SCFD2: variants seen among roughly 807,000 people sequenced by gnomAD.
The protein encoded by SCFD2 is sec1 family domain-containing protein 2.
Under a neutral mutation model 58.9 loss-of-function variants are expected in SCFD2, and 54 were observed. The ratio of observed to expected loss-of-function variants is 0.92; its 90% CI spans 0.74 to 1.15. The LOEUF is 1.15. SCFD2 is among the 50% of genes most tolerant of loss of function. The pLI, the probability that SCFD2 is intolerant of heterozygous loss-of-function variation, is 0.00. For missense variants in SCFD2, 805 were observed against 836.6 expected, an observed-to-expected ratio of 0.96 and a Z score of 0.47; for synonymous variants, 321 against 335.9, an observed-to-expected ratio of 0.96 and a Z score of 0.49.
chr4:52,920,750 T>C lies in SCFD2; in HGVS notation c.1682A>G (p.Tyr561Cys). ...CTGGTGGGTATGATTTCCAGGAACA[T>C]ATACAGACTTAAACTGTTTCAGGAG... ...RSLLKQFKSVYVPGNHTHQAS... is the reference protein window; with the variant it reads ...RSLLKQFKSVCVPGNHTHQAS... Residue 561 changes from tyrosine (Y) to cysteine (C), a missense_variant, in exon 6 of 9, where the codon TAT becomes TGT. Physicochemically the swap from Tyr to Cys is radical, Grantham distance 194. Around this residue, in one of 3 missense-constraint regions of SCFD2, gnomAD observed 633 missense variants for 646.8 expected, o/e 0.98. Coordinates refer to ENST00000401642, the MANE Select transcript of SCFD2 (RefSeq NM_152540.4). 4 of 1,608,940 alleles carry C rather than the reference T, an allele frequency of 2.5e-6. No homozygotes were observed. Among genetic ancestry groups the C allele is most frequent in the Non-Finnish European group, 3.4e-6 (4 of 1,177,162 alleles).
rs114293157 is a variant in SCFD2, at chr4:53,315,734, T to G, written c.1008-1971A>C. Among the ~76,000 whole-genome samples the G allele has an allele frequency of 2.5e-3, 386 of 152,214 alleles. 1 individual carries two copies. Among genetic ancestry groups the G allele is most frequent in the African/African-American group, 8.6e-3 (357 of 41,548 alleles). On this transcript the variant is annotated intron_variant, in intron 2 of 8. Coordinates refer to ENST00000401642, the MANE Select transcript of SCFD2 (RefSeq NM_152540.4). ...TGTTCTCTAGTCTCAACAATATCTCTCCACAAAACACAGGGATTTCTCACA... is the reference window on the plus strand; with the variant it reads ...TGTTCTCTAGTCTCAACAATATCTCGCCACAAAACACAGGGATTTCTCACA...
intron 5 of SCFD2, among the ~76,000 whole-genome samples, chr4:52,986,255 T>C (rs1721491063): frequency 6.6e-6 from 1 of 151,856 alleles, no homozygotes; most frequent in African/African-American, 2.4e-5. Flanking sequence ...TCATCGAGTA[T>C]ATGTAAGATT....
chr4:52,898,084 T>C (rs1719073855), intron 7 of SCFD2, among the ~76,000 whole-genome samples: 1 of 152,210 alleles, frequency 6.6e-6, no homozygotes, highest in South Asian at 2.1e-4. Flanking sequence ...CTATCATTGT[T>C]GATCTTTTCA....
At chr4:52,963,451 C>T (rs185977969) in intron 5 of SCFD2, among the ~76,000 whole-genome samples, 18 of 152,242 alleles carry the variant, frequency 1.2e-4, no homozygotes, top group Admixed American at 6.5e-4. Flanking sequence ...ATCTTGGAGT[C>T]GGGTTCGAAA....
chr4:53,242,562 A>G (rs376152114), intron 4 of SCFD2, among the ~76,000 whole-genome samples: 89 of 152,364 alleles, frequency 5.8e-4, no homozygotes, highest in African/African-American at 2.0e-3. Context: ...TGACCACTCA[A>G]AAAGCCAGTG....
intron 5 of SCFD2, among the ~76,000 whole-genome samples, chr4:52,942,525 G>A (rs1402522481): frequency 6.6e-6 from 1 of 152,124 alleles, no homozygotes; most frequent in Non-Finnish European, 1.5e-5. Context: ...CATTAGTTGT[G>A]GGGGCCTGAG....
At chr4:53,118,993 C>T (rs946605604) in intron 5 of SCFD2, among the ~76,000 whole-genome samples, 5 of 152,020 alleles carry the variant, frequency 3.3e-5, no homozygotes, top group African/African-American at 1.2e-4. Flanking sequence ...AAGAAGAGGC[C>T]CAACATAAAC....
intron 5 of SCFD2, among the ~76,000 whole-genome samples, chr4:53,074,967 G>T (rs1396765789): frequency 1.3e-5 from 2 of 152,112 alleles, no homozygotes; most frequent in East Asian, 3.9e-4. Context: ...AAGCTTTGAG[G>T]CCAGGCATTG....
intron 4 of SCFD2, among the ~76,000 whole-genome samples, chr4:53,212,716 A>G (rs918541917): frequency 4.0e-5 from 6 of 151,578 alleles, no homozygotes; most frequent in Non-Finnish European, 5.9e-5. Flanking sequence ...ATAAAATTTT[A>G]GAGTAGTTGT....
intron 4 of SCFD2, among the ~76,000 whole-genome samples, chr4:53,157,254 C>T (rs887224665): frequency 4.0e-5 from 6 of 151,330 alleles, no homozygotes; most frequent in African/African-American, 1.5e-4. Context: ...GAAAATCAGG[C>T]ATAGGCTAAA....
At chr4:53,181,899 A>T (rs1727572515) in intron 4 of SCFD2, among the ~76,000 whole-genome samples, 1 of 152,204 alleles carries the variant, frequency 6.6e-6, no homozygotes, top group Non-Finnish European at 1.5e-5. Context: ...ACTCCCACTC[A>T]CAATTGCTTC....
At chr4:53,148,060 A>G (rs79665840) in intron 4 of SCFD2, among the ~76,000 whole-genome samples, 1 of 152,328 alleles carries the variant, frequency 6.6e-6, no homozygotes, top group East Asian at 1.9e-4. Context: ...AGATGACAAT[A>G]AACAGATTCT....
chr4:53,068,791 C>T (rs1192074784), intron 5 of SCFD2, among the ~76,000 whole-genome samples: 2 of 151,950 alleles, frequency 1.3e-5, no homozygotes, highest in Non-Finnish European at 2.9e-5. Context: ...ATCTATCTTC[C>T]CCAATTCATT....
At chr4:52,951,894 G>T (rs1262798577) in intron 5 of SCFD2, among the ~76,000 whole-genome samples, 3 of 152,156 alleles carry the variant, frequency 2.0e-5, no homozygotes, top group African/African-American at 2.4e-5. Context: ...GGGTTAATTT[G>T]TTACTGCAGC....
chr4:53,022,042 T>C (rs1017832037), intron 5 of SCFD2, among the ~76,000 whole-genome samples: 2 of 152,100 alleles, frequency 1.3e-5, no homozygotes, highest in African/African-American at 2.4e-5. Context: ...TAAATGCCAA[T>C]GGGGATGTTG....
chr4:52,907,108 G>A (rs1719364375), intron 7 of SCFD2, among the ~76,000 whole-genome samples: 1 of 152,118 alleles, frequency 6.6e-6, no homozygotes, highest in African/African-American at 2.4e-5. Context: ...AAGAGCAAAG[G>A]GCTGTCACTA....
At chr4:53,282,169 T>C (rs557330314) in intron 3 of SCFD2, among the ~76,000 whole-genome samples, 20 of 152,324 alleles carry the variant, frequency 1.3e-4, no homozygotes, top group African/African-American at 4.1e-4. Flanking sequence ...AGGTTAATTC[T>C]TTCTACTTGC....
At chr4:53,223,709 A>T (rs1280432984) in intron 4 of SCFD2, among the ~76,000 whole-genome samples, 2 of 152,238 alleles carry the variant, frequency 1.3e-5, no homozygotes, top group Non-Finnish European at 2.9e-5. Flanking sequence ...GCCACCGCAA[A>T]TAAGTCCACC....
chr4:53,003,163 ATC>A (rs1324607943), intron 5 of SCFD2, among the ~76,000 whole-genome samples: 1 of 152,014 alleles, frequency 6.6e-6, no homozygotes, highest in Non-Finnish European at 1.5e-5. Context: ...CAGATCACCC[ATC>A]TCTCTCTTTT....
Sources: allele counts gnomAD v4.1 joint callset (sites outside exome capture counted in the v4.1 genomes callset), GRCh38; gene constraint gnomAD v4.1.1; regional missense constraint gnomAD v4.1.1; transcripts MANE v1.5; gene names NCBI Gene and HGNC (gene_info 2026-07-23, HGNC 2026-07-21).